MCAM: variants seen among roughly 807,000 people sequenced by gnomAD.
MCAM encodes the protein cell surface glycoprotein MUC18.
Under a neutral mutation model 79.1 loss-of-function variants are expected in MCAM, and 55 were observed. That is an observed-to-expected ratio of 0.70 (90% CI 0.56 to 0.87). The LOEUF is 0.87. Among genes scored for constraint, MCAM ranks in the 40% least tolerant of loss-of-function variants. MCAM has a pLI of 0.00. For missense variants in MCAM, 745 were observed against 839.8 expected, an observed-to-expected ratio of 0.89 and a Z score of 1.40; for synonymous variants, 330 against 339.8, an observed-to-expected ratio of 0.97 and a Z score of 0.32.
Position 119,317,119 on chromosome 11 carries a change from C to G in MCAM, c.-18G>C. On this transcript the variant is annotated 5_prime_UTR_variant, in exon 1 of 16. Coordinates refer to ENST00000264036, the MANE Select transcript of MCAM (RefSeq NM_006500.3). The surrounding 1 kb of genome is among the most constrained non-coding windows in gnomAD (Gnocchi z 6.2). ...AGCCCCATGCTTCCCGGCCGGAGGG[C>G]GAGAGCCAAGTGAGCAGCTCGAGGC... 15 of 1,518,068 alleles carry G rather than the reference C, an allele frequency of 9.9e-6. No individual in the cohort carries two copies. The highest frequency in any genetic ancestry group is 1.2e-5 in the South Asian group (1 of 82,348). 94.0% of individuals were successfully genotyped at this position (1,518,068 alleles called of 1,614,324 possible).
At chr11:119,314,203 C>T (rs556279879) in intron 5 of MCAM, 8 of 468,932 alleles carry the variant, frequency 1.7e-5, no homozygotes, top group Admixed American at 7.9e-5. Context: ...TCACCCAGGC[C>T]GGAGTGTGGT....
intron 5 of MCAM, chr11:119,313,395 AATT>A: frequency 9.2e-7 from 1 of 1,089,158 alleles, no homozygotes; most frequent in Non-Finnish European, 1.2e-6. Flanking sequence ...CACTACTGAT[AATT>A]TTTTTTTTTT....
rs745928053 is a variant in MCAM, at chr11:119,310,741, C to T, written c.1793+15G>A. The T allele has an allele frequency of 5.0e-6, 8 of 1,611,122 alleles. No homozygotes were observed. Among genetic ancestry groups the T allele is most frequent in the Middle Eastern group, 3.4e-4 (2 of 5,906 alleles). The stretch of plus-strand genomic sequence containing the variant: ...GCAAAACGGGCGGGGGCGGAGGGGC[C>T]GGTGTTGGGCTTACATCTCCTGCTT... On this transcript the variant is annotated intron_variant, in intron 14 of 15. Transcript: ENST00000264036.
intron 15 of MCAM, 36 bp from the exon 16 acceptor site, chr11:119,309,951 G>A: frequency 6.4e-7 from 1 of 1,570,758 alleles, no homozygotes; most frequent in Non-Finnish European, 8.7e-7. Flanking sequence ...GGAACACGGA[G>A]ACGGTGCTGA....
chr11:119,314,841 C>T lies in MCAM; in HGVS notation c.392G>A (p.Arg131His). ...PRSQEYRIQL[R>H]VYKAPEEPNI... ...GACACAGGGTCACGCACTGTAGACG[C>T]GGAGCTGGATGCGGTACTCCTGGGA... Residue 131 changes from arginine (R) to histidine (H), a missense_variant, in exon 3 of 16, where the codon CGC (arginine) becomes CAC (histidine). Arg to His is a conservative substitution (Grantham distance 29). Transcript: ENST00000264036. 5 of 1,613,728 alleles carry T rather than the reference C, an allele frequency of 3.1e-6. No individual in the cohort carries two copies. The highest frequency in any genetic ancestry group is 1.6e-4 in the Middle Eastern group (1 of 6,062).
intron 15 of MCAM, 153 bp from the exon 16 acceptor site, chr11:119,310,068 G>C (rs1950207222): frequency 5.7e-6 from 4 of 701,218 alleles, no homozygotes; most frequent in Non-Finnish European, 9.9e-6. Flanking sequence ...GGCCAGGGAA[G>C]GAGGGCGGCC....
Position 119,316,919 on chromosome 11 carries a change from G to T in MCAM, c.67+116C>A. ...GCCCGGGGATCGGGGACCCAGGGAG[G>T]AGGCTCGTCCTCCCAGACGCAACGC... On this transcript the variant is annotated intron_variant, in intron 1 of 15. Transcript: ENST00000264036. This position sits in a 1 kb window ranked among gnomAD's most constrained non-coding sequence, Gnocchi z 4.8. The T allele has an allele frequency of 1.2e-6, 1 of 840,212 alleles. No individual in the cohort carries two copies. Among genetic ancestry groups the T allele is most frequent in the Non-Finnish European group, 1.8e-6 (1 of 568,386 alleles). 52.0% of individuals were successfully genotyped at this position (840,212 alleles called of 1,614,324 possible).
intron 5 of MCAM, 164 bp from the exon 6 acceptor site, chr11:119,313,113 A>C: frequency 6.5e-7 from 1 of 1,535,834 alleles, no homozygotes; most frequent in Non-Finnish European, 8.7e-7. Context: ...CAGCACTTTT[A>C]CTGCTCAGTG....
rs1254524105 is a variant in MCAM at position 119,309,583 on chromosome 11, T to C, written c.*303A>G. 1.9e-5 allele frequency: 9 copies of C among 462,308 alleles called. No homozygotes were observed. In the East Asian group the frequency reaches 2.6e-4, roughly 13 times the overall value. The allele number at this position is 462,308 out of a possible 1,614,324, so 28.6% of individuals were successfully genotyped here. ...GAGCCAGGTATTTACAGCCATAATG[T>C]GTGTAAAGAAAAAACACGTTCTGCA... On this transcript the variant is annotated 3_prime_UTR_variant, in exon 16 of 16. Coordinates refer to ENST00000264036, the MANE Select transcript of MCAM (RefSeq NM_006500.3).
At chr11:119,314,363 C>G in intron 5 of MCAM, 126 bp downstream of exon 5, 4 of 829,388 alleles carry the variant, frequency 4.8e-6, no homozygotes, top group African/African-American at 3.4e-5. Flanking sequence ...CCTATGTTGT[C>G]CAAGGTGGTC....
At position 119,311,479 on chromosome 11, in the gene MCAM, C is replaced by T; in HGVS notation, c.1407+51G>A. On this transcript the variant is annotated intron_variant, in intron 11 of 15. Coordinates refer to ENST00000264036, the MANE Select transcript of MCAM (RefSeq NM_006500.3). This position sits in a 1 kb window ranked among gnomAD's most constrained non-coding sequence, Gnocchi z 4.4. Reference sequence around the variant, plus strand: ...TGGGGAGGATCTCTGGTCCTGGCCACAAAGCGCAGGCAGGGATTAGGAGAG... The same window carrying T: ...TGGGGAGGATCTCTGGTCCTGGCCATAAAGCGCAGGCAGGGATTAGGAGAG... The T allele has an allele frequency of 6.2e-7, 1 of 1,613,540 alleles. No homozygotes were observed. The highest frequency in any genetic ancestry group is 2.2e-5 in the East Asian group (1 of 44,838).
rs778330619 is a variant in MCAM at position 119,314,961 on chromosome 11, CG to C, written c.271del (p.Arg91GlyfsTer13). 6.2e-7 allele frequency: 1 copy of C among 1,612,262 alleles called. No individual in the cohort carries two copies. Among genetic ancestry groups the C allele is most frequent in the Non-Finnish European group, 8.5e-7 (1 of 1,179,988 alleles). On this transcript the variant is annotated frameshift_variant, in exon 3 of 16. Transcript: ENST00000264036. LOFTEE classifies it high-confidence loss of function. Reference protein sequence around the residue: ...GQSEPGEYEQRLSLQDRGATL... With the variant: ...GQSEPGEYEQXLSLQDRGATL... ...AGCCCCTCTGTCCTGGAGGCTGAGC[CG>C]CTGCTCGTACTCCCCAGGTTCGCTC...
In MCAM at chr11:119,312,634, C is replaced by G; in HGVS notation, c.754G>C (p.Val252Leu). 1 of 1,614,206 alleles carries G rather than the reference C, an allele frequency of 6.2e-7. No homozygotes were observed. Residue 252 changes from valine (V) to leucine (L), a missense_variant, in exon 7 of 16, where the codon GTG (valine) becomes CTG (leucine). Val to Leu is a conservative substitution (Grantham distance 32, BLOSUM62 1). Coordinates refer to ENST00000264036, the MANE Select transcript of MCAM (RefSeq NM_006500.3). This position sits in a 1 kb window ranked among gnomAD's most constrained non-coding sequence, Gnocchi z 4.9. Reference protein sequence around the residue: ...TVPVFYPTEKVWLEVEPVGML... With the variant: ...TVPVFYPTEKLWLEVEPVGML... The stretch of plus-strand genomic sequence containing the variant: ...CCCACGGGCTCCACTTCCAGCCACA[C>G]TTTTTCTGTCGGGTCTGCATAGGCA...
Position 119,312,880 on chromosome 11 carries a change from G to A in MCAM, c.629C>T (p.Ala210Val). 5 of 1,614,192 alleles carry A rather than the reference G, an allele frequency of 3.1e-6. No individual in the cohort carries two copies. The highest frequency in any genetic ancestry group is 4.2e-6 in the Non-Finnish European group (5 of 1,180,036). Residue 210 changes from alanine (A) to valine (V), a missense_variant, in exon 6 of 16, where the codon GCA (alanine) becomes GTA (valine). By Grantham distance (64) the Ala-to-Val change is moderately conservative. Coordinates refer to ENST00000264036, the MANE Select transcript of MCAM (RefSeq NM_006500.3). The surrounding 1 kb of genome is among the most constrained non-coding windows in gnomAD (Gnocchi z 4.9). Reference protein sequence around the residue: ...GLYTLQSILKAQLVKEDKDAQ... With the variant: ...GLYTLQSILKVQLVKEDKDAQ... Reference sequence around the variant, plus strand: ...ATCTTTGTCTTCTTTAACCAGCTGTGCCTTCAGAATACTCTGCAAGGTGTA... The same window carrying A: ...ATCTTTGTCTTCTTTAACCAGCTGTACCTTCAGAATACTCTGCAAGGTGTA...
Position 119,315,347 on chromosome 11 carries a change from T to C in MCAM, c.68-84A>G. 2 of 1,503,448 alleles carry C rather than the reference T, an allele frequency of 1.3e-6. No individual in the cohort carries two copies. The highest frequency in any genetic ancestry group is 8.9e-7 in the Non-Finnish European group (1 of 1,123,454). The allele number at this position is 1,503,448 out of a possible 1,614,324, so 93.1% of individuals were successfully genotyped here. A position where few individuals can be genotyped will look rare whatever the true frequency, so the allele number is the denominator to read the frequency against. On this transcript the variant is annotated intron_variant, in intron 1 of 15. Coordinates refer to ENST00000264036, the MANE Select transcript of MCAM (RefSeq NM_006500.3). This position sits in a 1 kb window ranked among gnomAD's most constrained non-coding sequence, Gnocchi z 4.4. ...CCCCTCGCAGCGCTGCTGCAGCTGT[T>C]TTTCCTGCCACTCAGAGGGTCTGCA...
chr11:119,315,267 G>C lies in MCAM; in HGVS notation c.68-4C>G, dbSNP rs1386352044. 6.2e-7 allele frequency: 1 copy of C among 1,606,670 alleles called. No homozygotes were observed. Among genetic ancestry groups the C allele is most frequent in the East Asian group, 2.2e-5 (1 of 44,832 alleles). ...TGCTCAGCCTCTCCGGGCACACCTGGGGGAGGGAGGCGGGGCCCCCGCAGC... is the reference window on the plus strand; with the variant it reads ...TGCTCAGCCTCTCCGGGCACACCTGCGGGAGGGAGGCGGGGCCCCCGCAGC... On this transcript the variant is annotated splice_region_variant and splice_polypyrimidine_tract_variant and intron_variant, in intron 1 of 15. Transcript: ENST00000264036. The surrounding 1 kb of genome is among the most constrained non-coding windows in gnomAD (Gnocchi z 4.4).
rs747113949 is a variant in MCAM, at chr11:119,311,874, A to G, written c.1219T>C (p.Cys407Arg). The G allele has an allele frequency of 1.2e-6, 2 of 1,614,106 alleles. No individual in the cohort carries two copies. The highest frequency in any genetic ancestry group is 2.2e-5 in the East Asian group (1 of 44,878). ...LKREAGGGYRCVASVPSIPGL... is the reference protein window; with the variant it reads ...LKREAGGGYRRVASVPSIPGL... Reference sequence around the variant, plus strand: ...GGTATGCTGGGCACAGACGCCACGCAGCGATAGCCGCCTCCTGCCTCCCGT... The same window carrying G: ...GGTATGCTGGGCACAGACGCCACGCGGCGATAGCCGCCTCCTGCCTCCCGT... The change falls in exon 10 of 16, where the codon TGC becomes CGC. Residue 407 changes from cysteine (C) to arginine (R), a missense_variant. Cys to Arg is a radical substitution (Grantham distance 180). Coordinates refer to ENST00000264036, the MANE Select transcript of MCAM (RefSeq NM_006500.3). This position sits in a 1 kb window ranked among gnomAD's most constrained non-coding sequence, Gnocchi z 4.4.
Position 119,315,235 on chromosome 11 carries a change from C to T in MCAM, c.96G>A (p.Ala32=), listed in dbSNP as rs558009680. 22 of 1,611,896 alleles carry T rather than the reference C, an allele frequency of 1.4e-5. No individual in the cohort carries two copies. In the African/African-American group the frequency reaches 2.0e-4, roughly 15 times the overall value. Residue 32 remains alanine, a synonymous_variant, in exon 2 of 16, where the codon GCG becomes GCA. Transcript: ENST00000264036. This position sits in a 1 kb window ranked among gnomAD's most constrained non-coding sequence, Gnocchi z 4.4. ...AGVPGEAEQP[A]PELVEVEVGS... ...CCACTTCCACCTCCACCAGCTCAGG[C>T]GCAGGCTGCTCAGCCTCTCCGGGCA...
Position 119,315,328 on chromosome 11 carries a change from G to C in MCAM, c.68-65C>G. 6.5e-7 allele frequency: 1 copy of C among 1,542,680 alleles called. No individual in the cohort carries two copies. Among genetic ancestry groups the C allele is most frequent in the Non-Finnish European group, 8.7e-7 (1 of 1,147,618 alleles). ...CCGGCTGCTGTCCGCCCCTCCCCTC[G>C]CAGCGCTGCTGCAGCTGTTTTTCCT... On this transcript the variant is annotated intron_variant, in intron 1 of 15. Coordinates refer to ENST00000264036, the MANE Select transcript of MCAM (RefSeq NM_006500.3). This position sits in a 1 kb window ranked among gnomAD's most constrained non-coding sequence, Gnocchi z 4.4.
Sources: allele counts gnomAD v4.1 joint callset, GRCh38; gene constraint gnomAD v4.1.1; non-coding constraint Gnocchi (gnomAD v3.1); transcripts MANE v1.5; gene names NCBI Gene and HGNC (gene_info 2026-07-23, HGNC 2026-07-21).